SLC9A9: variants seen among roughly 807,000 people sequenced by gnomAD.
The protein encoded by SLC9A9 is solute carrier family 9 member A9, also known as sodium/hydrogen exchanger 9.
SLC9A9 carries 62 observed loss-of-function variants against 77.8 expected under a neutral mutation model. The ratio of observed to expected loss-of-function variants is 0.80; its 90% CI spans 0.65 to 0.98. The LOEUF is 0.98. Ranked by LOEUF, SLC9A9 falls within the 50% of genes least tolerant of loss-of-function variation. SLC9A9 has a pLI of 0.00. For synonymous variants in SLC9A9, 320 were observed against 283.5 expected (o/e 1.13, Z -1.29); for missense variants, 775 against 774.9 (o/e 1.00, Z 0.00).
chr3:143,642,908 T>C (rs1383618335), intron 6 of SLC9A9, among the ~76,000 whole-genome samples: 1 of 152,156 alleles, frequency 6.6e-6, no homozygotes, highest in Non-Finnish European at 1.5e-5. Context: ...TTCTAATTTT[T>C]CCCCACTCCA....
intron 6 of SLC9A9, among the ~76,000 whole-genome samples, chr3:143,599,865 A>C (rs1303610806): frequency 2.0e-5 from 3 of 152,192 alleles, no homozygotes; most frequent in Non-Finnish European, 4.4e-5. Flanking sequence ...CTTTCCATTT[A>C]AGAAAAATCC....
At chr3:143,826,378 C>T (rs1012867645) in intron 2 of SLC9A9, among the ~76,000 whole-genome samples, 1 of 152,060 alleles carries the variant, frequency 6.6e-6, no homozygotes, top group African/African-American at 2.4e-5. Flanking sequence ...CCCACATGAC[C>T]AGGGTAGCAG....
intron 14 of SLC9A9, among the ~76,000 whole-genome samples, chr3:143,299,707 T>C (rs2030436121): frequency 1.3e-5 from 2 of 152,176 alleles, no homozygotes; most frequent in Admixed American, 1.3e-4. Flanking sequence ...CCTCCCAAAG[T>C]GCTGGGATTA....
chr3:143,726,736 GA>G lies in SLC9A9; in HGVS notation c.534-33430del, dbSNP rs5853126. 1.7e-3 allele frequency among the ~76,000 whole-genome samples: 249 copies of G among 150,428 alleles called. 2 individuals carry two copies. Among genetic ancestry groups the G allele is most frequent in the Admixed American group, 3.8e-3 (57 of 15,122 alleles). ...TAATTAAATAACATCTTCATTGCCT[GA>G]AAAAAAAAATCTGTCTCTTGTCTCT... On this transcript the variant is annotated intron_variant, in intron 4 of 15. Transcript: ENST00000316549.
At chr3:143,835,952 A>G (rs1192863094) in intron 1 of SLC9A9, among the ~76,000 whole-genome samples, 1 of 152,154 alleles carries the variant, frequency 6.6e-6, no homozygotes, top group Admixed American at 6.5e-5. Flanking sequence ...CTAGGAAGGA[A>G]CTCTAGTCTA....
intron 12 of SLC9A9, among the ~76,000 whole-genome samples, chr3:143,429,252 A>G (rs2034463121): frequency 6.6e-6 from 1 of 152,312 alleles, no homozygotes; most frequent in South Asian, 2.1e-4. Context: ...TGTGTTACAA[A>G]TATTTATTGT....
Position 143,443,983 on chromosome 3 carries a change from G to C in SLC9A9, c.1469+23054C>G, listed in dbSNP as rs368589326. Among the ~76,000 whole-genome samples, 41 of 152,212 alleles carry C rather than the reference G, an allele frequency of 2.7e-4. No homozygotes were observed. In the East Asian group the frequency reaches 6.0e-3, roughly 22 times the overall value. On this transcript the variant is annotated intron_variant, in intron 12 of 15. Transcript: ENST00000316549. ...ACCAGTGGCTTGGGGTTTCCTGACT[G>C]GATAAGTAGGTGGTGTAATGACTTA...
At chr3:143,646,383 C>T (rs1231323705) in intron 6 of SLC9A9, among the ~76,000 whole-genome samples, 1 of 147,788 alleles carries the variant, frequency 6.8e-6, no homozygotes, top group Non-Finnish European at 1.5e-5. Flanking sequence ...GGTGCATTTG[C>T]ACATATAAAT....
chr3:143,320,134 G>T (rs1467205426), intron 14 of SLC9A9, among the ~76,000 whole-genome samples: 7 of 152,058 alleles, frequency 4.6e-5, no homozygotes, highest in African/African-American at 1.7e-4. Context: ...TTGCTTGTTT[G>T]CTTATTGATA....
At chr3:143,317,671 GAAATGT>G (rs2031261612) in intron 14 of SLC9A9, among the ~76,000 whole-genome samples, 1 of 40,240 alleles carries the variant, frequency 2.5e-5, no homozygotes, top group African/African-American at 1.7e-4. Flanking sequence ...TCTCAGGTTT[GAAATGT>G]TCTATGTTCC....
chr3:143,413,780 CTGTGTGTG>C (rs3068538), intron 12 of SLC9A9, among the ~76,000 whole-genome samples: 91 of 150,310 alleles, frequency 6.1e-4, no homozygotes, highest in African/African-American at 1.2e-3. Flanking sequence ...GTATTATTAA[CTGTGTGTG>C]TGTGTGTGTG....
intron 6 of SLC9A9, among the ~76,000 whole-genome samples, chr3:143,611,818 C>T (rs1359923632): frequency 2.6e-5 from 4 of 152,064 alleles, no homozygotes; most frequent in African/African-American, 7.2e-5. Context: ...ACTCCAGTCC[C>T]GACCTCCTGG....
intron 14 of SLC9A9, among the ~76,000 whole-genome samples, chr3:143,326,105 T>C (rs553907717): frequency 2.7e-4 from 41 of 152,246 alleles, no homozygotes; most frequent in African/African-American, 7.9e-4. Flanking sequence ...AAAGAAAAAG[T>C]ATAAAAATCT....
chr3:143,449,644 AATATAATTATATAAAATATAATTATATT>A (rs1559921357), intron 12 of SLC9A9, among the ~76,000 whole-genome samples: 9 of 10,652 alleles, frequency 8.4e-4, no homozygotes, highest in Non-Finnish European at 1.1e-3. Flanking sequence ...ATAATTATAT[AATATAATTATATAAAATATAATTATATT>A]ATATAATTAT....
At chr3:143,302,681 A>G (rs529265069) in intron 14 of SLC9A9, among the ~76,000 whole-genome samples, 2 of 152,296 alleles carry the variant, frequency 1.3e-5, no homozygotes, top group African/African-American at 2.4e-5. Context: ...CAGAAAGGAC[A>G]GATCCTCCAA....
chr3:143,505,366 T>C (rs1373599715), intron 9 of SLC9A9, among the ~76,000 whole-genome samples: 1 of 152,242 alleles, frequency 6.6e-6, no homozygotes, highest in African/African-American at 2.4e-5. Flanking sequence ...AGTAACATGA[T>C]AATGATTATA....
chr3:143,735,050 G>A (rs1056268649), intron 4 of SLC9A9, among the ~76,000 whole-genome samples: 2 of 152,140 alleles, frequency 1.3e-5, no homozygotes, highest in Non-Finnish European at 2.9e-5. Context: ...ACTCAGATTC[G>A]AACACTTGCC....
chr3:143,573,660 G>A (rs1472961945), intron 8 of SLC9A9, among the ~76,000 whole-genome samples: 3 of 152,074 alleles, frequency 2.0e-5, no homozygotes, highest in African/African-American at 7.2e-5. Flanking sequence ...AACCACCGAC[G>A]TGTATGGAGA....
At chr3:143,412,559 C>G (rs1054113859) in intron 12 of SLC9A9, among the ~76,000 whole-genome samples, 37 of 152,178 alleles carry the variant, frequency 2.4e-4, no homozygotes, top group African/African-American at 8.5e-4. Flanking sequence ...CTCAGACTCT[C>G]TCTGTACACA....
Sources: allele counts gnomAD v4.1 joint callset (sites outside exome capture counted in the v4.1 genomes callset), GRCh38; gene constraint gnomAD v4.1.1; transcripts MANE v1.5; gene names NCBI Gene and HGNC (gene_info 2026-07-23, HGNC 2026-07-21).